Variants in SOX5 observed in about 807,000 individuals in gnomAD.
SOX5 encodes SRY-box transcription factor 5, also known as transcription factor SOX-5.
A neutral mutation model predicts 92.0 loss-of-function variants in SOX5; 9 were observed. The observed-to-expected ratio is 0.10, with a 90% CI of 0.06 to 0.17. The LOEUF is 0.17. Among genes scored for constraint, SOX5 ranks in the 10% least tolerant of loss-of-function variants. The pLI, the probability that SOX5 is intolerant of heterozygous loss-of-function variation, is 1.00. For synonymous variants in SOX5, 344 were observed against 336.3 expected, an observed-to-expected ratio of 1.02 and a Z score of -0.25; for missense variants, 642 against 944.5, an observed-to-expected ratio of 0.68 and a Z score of 4.20.
At chr12:23,736,857 AT>A (rs1049686837) in intron 5 of SOX5, among the ~76,000 whole-genome samples, 36 of 151,600 alleles carry the variant, frequency 2.4e-4, no homozygotes, top group African/African-American at 8.5e-4. Flanking sequence ...TGCCTGATTA[AT>A]TTTTTTATAT....
chr12:24,428,005 T>C (rs1392539620), intron 1 of SOX5, among the ~76,000 whole-genome samples: 1 of 152,100 alleles, frequency 6.6e-6, no homozygotes, highest in Non-Finnish European at 1.5e-5. Context: ...ACAGCAGAGG[T>C]GTGTGCTGAC....
At chr12:24,226,829 T>G (rs921369014) in intron 3 of SOX5, among the ~76,000 whole-genome samples, 2 of 147,922 alleles carry the variant, frequency 1.4e-5, no homozygotes, top group African/African-American at 5.0e-5. Flanking sequence ...TTAGAACTTA[T>G]ATTAGGGGTT....
chr12:23,917,853 C>T (rs1393325118), intron 1 of SOX5, among the ~76,000 whole-genome samples: 2 of 152,046 alleles, frequency 1.3e-5, no homozygotes, highest in Non-Finnish European at 2.9e-5. Context: ...TAATGGGTCT[C>T]ATTTAAAAGT....
At chr12:24,477,097 A>C (rs1209459496) in intron 1 of SOX5, among the ~76,000 whole-genome samples, 2 of 150,896 alleles carry the variant, frequency 1.3e-5, no homozygotes, top group African/African-American at 4.9e-5. Context: ...CCATACTCAT[A>C]TCTCATATAT....
intron 1 of SOX5, among the ~76,000 whole-genome samples, chr12:23,915,412 C>T (rs374089178): frequency 6.6e-6 from 1 of 151,934 alleles, no homozygotes; most frequent in African/African-American, 2.4e-5. Context: ...TTTTATACAG[C>T]CAAAAATTTT....
intron 6 of SOX5, among the ~76,000 whole-genome samples, chr12:23,726,176 G>GAGAGAGAGA (rs1555294880): frequency 2.1e-4 from 15 of 73,066 alleles, no homozygotes; most frequent in South Asian, 4.8e-4. Flanking sequence ...AGAGAGAGAG[G>GAGAGAGAGA]TCAGTTTCTC....
intron 3 of SOX5, among the ~76,000 whole-genome samples, chr12:23,838,246 C>T (rs1340490919): frequency 1.4e-5 from 2 of 147,790 alleles, no homozygotes; most frequent in African/African-American, 5.0e-5. Flanking sequence ...AAAGTTCTGT[C>T]AACATTCTAC....
At chr12:23,718,038 A>G (rs889561752) in intron 6 of SOX5, among the ~76,000 whole-genome samples, 9 of 152,108 alleles carry the variant, frequency 5.9e-5, no homozygotes, top group Non-Finnish European at 8.8e-5. Flanking sequence ...TCCTTAAAAT[A>G]TTTTAAAATT....
chr12:24,512,460 G>A (rs148111275), intron 1 of SOX5, among the ~76,000 whole-genome samples: 3,752 of 152,280 alleles, frequency 0.025, 54 homozygotes, highest in Middle Eastern at 0.044. Context: ...TAATAAAACT[G>A]AAAAATACTT....
At chr12:23,577,737 A>G (rs1021701020) in intron 9 of SOX5, among the ~76,000 whole-genome samples, 1 of 152,116 alleles carries the variant, frequency 6.6e-6, no homozygotes, top group Non-Finnish European at 1.5e-5. Flanking sequence ...CCAAATCTAT[A>G]TTGATTCATA....
chr12:24,328,882 T>C (rs752824072), intron 2 of SOX5, among the ~76,000 whole-genome samples: 2 of 152,230 alleles, frequency 1.3e-5, no homozygotes, highest in Non-Finnish European at 2.9e-5. Flanking sequence ...ATTAACGTTA[T>C]TGTTAGAGTC....
intron 3 of SOX5, among the ~76,000 whole-genome samples, chr12:24,249,657 CAA>C (rs1229364948): frequency 6.6e-6 from 1 of 152,160 alleles, no homozygotes; most frequent in African/African-American, 2.4e-5. Context: ...CATGGCATCA[CAA>C]AGAGGGTGAG....
intron 2 of SOX5, among the ~76,000 whole-genome samples, chr12:24,294,518 T>C (rs1946976576): frequency 6.6e-6 from 1 of 152,198 alleles, no homozygotes; most frequent in African/African-American, 2.4e-5. Context: ...AATACCTCCA[T>C]GCAAATGCCC....
chr12:24,311,055 G>A (rs1949118913), intron 2 of SOX5, among the ~76,000 whole-genome samples: 1 of 152,104 alleles, frequency 6.6e-6, no homozygotes, highest in South Asian at 2.1e-4. Flanking sequence ...AGGAAGCATG[G>A]TCATAAAAAA....
intron 8 of SOX5, among the ~76,000 whole-genome samples, chr12:23,607,426 C>T (rs1297394679): frequency 6.6e-6 from 1 of 152,126 alleles, no homozygotes; most frequent in Non-Finnish European, 1.5e-5. Context: ...AAGAAGCTGA[C>T]AATAATTCTT....
chr12:24,252,690 A>T (rs1285847805), intron 3 of SOX5, among the ~76,000 whole-genome samples: 1 of 110,582 alleles, frequency 9.0e-6, no homozygotes, highest in Non-Finnish European at 1.8e-5. Flanking sequence ...TCTATGCTTT[A>T]AAAAAAAAAA....
intron 3 of SOX5, among the ~76,000 whole-genome samples, chr12:23,816,521 CA>C (rs1381375045): frequency 6.6e-6 from 1 of 151,984 alleles, no homozygotes; most frequent in African/African-American, 2.4e-5. Flanking sequence ...TTAAGGAAGG[CA>C]GGATGGAGGT....
chr12:24,524,537 C>T (rs1950540885), intron 1 of SOX5, among the ~76,000 whole-genome samples: 1 of 151,822 alleles, frequency 6.6e-6, no homozygotes, highest in African/African-American at 2.4e-5. Flanking sequence ...TTAAAATGTG[C>T]TAAAAATTTA....
chr12:24,150,815 C>G (rs1358436726), intron 4 of SOX5, among the ~76,000 whole-genome samples: 7 of 151,808 alleles, frequency 4.6e-5, no homozygotes, highest in African/African-American at 1.7e-4. Flanking sequence ...ATGAAAAGAT[C>G]TGGGGTCTTG....
Sources: allele counts gnomAD v4.1 joint callset (sites outside exome capture counted in the v4.1 genomes callset), GRCh38; gene constraint gnomAD v4.1.1; transcripts MANE v1.5; gene names NCBI Gene and HGNC (gene_info 2026-07-23, HGNC 2026-07-21).